Variants in CUX1 observed in about 807,000 individuals in gnomAD.
CUX1 encodes the protein protein CASP.
In CUX1, 31 loss-of-function variants were observed where a neutral mutation model predicts 158.8. The observed-to-expected ratio is 0.20, with a 90% confidence interval of 0.15 to 0.26. The LOEUF is 0.26. Ranked by LOEUF, CUX1 falls within the 10% of genes least tolerant of loss-of-function variation. CUX1 has a pLI of 1.00. For missense variants in CUX1, 1,589 were observed against 2,014.6 expected (o/e 0.79, Z 4.04); for synonymous variants, 879 against 862.1 (o/e 1.02, Z -0.34).
chr7:102,273,247 C>A, intron 14 of CUX1: 1 of 1,377,448 alleles, frequency 7.3e-7, no homozygotes, highest in Non-Finnish European at 9.9e-7. Flanking sequence ...ATAGCCAGCA[C>A]TCTCACAGCA....
intron 16 of CUX1, chr7:102,274,339 G>T: frequency 6.3e-7 from 1 of 1,587,754 alleles, no homozygotes; most frequent in South Asian, 1.1e-5. Flanking sequence ...CATGGGAGGA[G>T]GGAGGAGGAG....
intron 2 of CUX1, among the ~76,000 whole-genome samples, chr7:101,952,411 C>T (rs931932176): frequency 2.0e-5 from 3 of 152,126 alleles, no homozygotes; most frequent in Non-Finnish European, 4.4e-5. Context: ...TACAGATTCT[C>T]GGGTCTACTC....
chr7:101,903,158 C>T (rs1368290959), intron 1 of CUX1, among the ~76,000 whole-genome samples: 2 of 152,126 alleles, frequency 1.3e-5, no homozygotes, highest in African/African-American at 2.4e-5. Context: ...AGAGGAGGGG[C>T]AGGGTCAGCA....
chr7:102,144,290 C>T (rs1182067674), intron 8 of CUX1, among the ~76,000 whole-genome samples: 1 of 152,072 alleles, frequency 6.6e-6, no homozygotes, highest in Non-Finnish European at 1.5e-5. Context: ...ATGCTCTTCA[C>T]TTTTTTTGTT....
rs869202667 is a variant in CUX1, at chr7:102,073,165, C to CTTTT, written c.268+2769_268+2772dup. Among the ~76,000 whole-genome samples the CTTTT allele has an allele frequency of 8.3e-3, 551 of 66,774 alleles. 66 individuals are homozygous for CTTTT. The highest frequency in any genetic ancestry group is 0.02 in the African/African-American group (310 of 15,532). 43.8% of individuals were successfully genotyped at this position (66,774 alleles called of 152,430 possible). ...AAATAATATGTAATCTCTTTTCTTT[C>CTTTT]TTTTTTTTTTTTTTTTTTTTTTTTC... On this transcript the variant is annotated intron_variant, in intron 4 of 23. Coordinates refer to ENST00000292535, the MANE Select transcript of CUX1 (RefSeq NM_181552.4).
rs1794280618 is a variant in CUX1, at chr7:102,191,567, A to G, written c.1076+1696A>G. Among the ~76,000 whole-genome samples, 3 of 151,920 alleles carry G rather than the reference A, an allele frequency of 2.0e-5. No homozygotes were observed. In the South Asian group the frequency reaches 6.3e-4, roughly 32 times the overall value. ...CTTCTCTACCTGCCTCTCCTATCCC[A>G]TTCTTTCCTTCCTTTCCCTCTTCTT... is the stretch of plus-strand genomic sequence containing the variant. On this transcript the variant is annotated intron_variant, in intron 12 of 23. Transcript: ENST00000292535.
intron 1 of CUX1, among the ~76,000 whole-genome samples, chr7:101,855,238 C>T (rs189783317): frequency 1.3e-5 from 2 of 152,382 alleles, no homozygotes; most frequent in Non-Finnish European, 2.9e-5. Context: ...CCCTGGCCGC[C>T]TTTCCAACCT....
chr7:102,128,266 G>A (rs201522), intron 8 of CUX1, among the ~76,000 whole-genome samples: 92,025 of 152,066 alleles, frequency 0.61, 28,874 homozygotes, highest in African/African-American at 0.71. Flanking sequence ...GCTCCATGAC[G>A]TTTGTAGATG....
At chr7:102,195,411 C>G in intron 13 of CUX1, 96 bp from the exon 14 acceptor site, 2 of 955,822 alleles carry the variant, frequency 2.1e-6, no homozygotes, top group Non-Finnish European at 3.1e-6. Context: ...GGTGGGAACG[C>G]GGACAGATGG....
At chr7:102,008,912 T>C (rs1180310968) in intron 2 of CUX1, among the ~76,000 whole-genome samples, 1 of 152,174 alleles carries the variant, frequency 6.6e-6, no homozygotes, top group Non-Finnish European at 1.5e-5. Flanking sequence ...CCTCTCAGGT[T>C]CTTGATCACT....
chr7:101,898,888 G>A (rs544226669), intron 1 of CUX1, among the ~76,000 whole-genome samples: 41 of 152,266 alleles, frequency 2.7e-4, no homozygotes, highest in Admixed American at 4.6e-4. Flanking sequence ...CACCGCACCC[G>A]GCTAATTTCC....
At chr7:102,259,016 G>A (rs1399053215), downstream of CUX1, among the ~76,000 whole-genome samples, 3 of 152,166 alleles carry the variant, frequency 2.0e-5, no homozygotes, top group Non-Finnish European at 4.4e-5. Flanking sequence ...CCAGGCCGAC[G>A]TGTGTCTGGT....
At chr7:102,210,165 C>T (rs537248661) in intron 20 of CUX1, among the ~76,000 whole-genome samples, 90 of 152,238 alleles carry the variant, frequency 5.9e-4, no homozygotes, top group Middle Eastern at 3.4e-3. Context: ...GGCGCGATCT[C>T]GACTCACTGC....
intron 1 of CUX1, among the ~76,000 whole-genome samples, chr7:101,899,435 C>T (rs1467491493): frequency 1.3e-5 from 2 of 152,068 alleles, no homozygotes; most frequent in African/African-American, 4.8e-5. Flanking sequence ...TCTTGTGATC[C>T]CAGCTACTCG....
intron 1 of CUX1, among the ~76,000 whole-genome samples, chr7:101,896,079 C>T (rs1801486916): frequency 6.6e-6 from 1 of 151,498 alleles, no homozygotes; most frequent in Admixed American, 6.6e-5. Context: ...ATTATTTTTT[C>T]GAAGAGACAG....
intron 12 of CUX1, among the ~76,000 whole-genome samples, chr7:102,192,049 C>T (rs984056770): frequency 1.3e-5 from 2 of 152,218 alleles, no homozygotes; most frequent in Admixed American, 1.3e-4. Context: ...AAGCCCCACT[C>T]AGGTGGCTTC....
intron 22 of CUX1, among the ~76,000 whole-genome samples, chr7:102,234,906 G>A (rs565081467): frequency 6.6e-6 from 1 of 151,938 alleles, no homozygotes; most frequent in East Asian, 1.9e-4. Flanking sequence ...CTGGGTGACA[G>A]ACCATGACCC....
At chr7:102,159,396 G>A (rs1213005313) in intron 9 of CUX1, among the ~76,000 whole-genome samples, 3 of 152,188 alleles carry the variant, frequency 2.0e-5, no homozygotes, top group Non-Finnish European at 4.4e-5. Flanking sequence ...CACAGTGTCC[G>A]GCCCAGATCA....
chr7:102,020,660 C>T (rs1157985777), intron 2 of CUX1, among the ~76,000 whole-genome samples: 1 of 152,030 alleles, frequency 6.6e-6, no homozygotes, highest in Non-Finnish European at 1.5e-5. Context: ...CAGGTGGATC[C>T]CTTGAGGTCA....
Sources: allele counts gnomAD v4.1 joint callset (sites outside exome capture counted in the v4.1 genomes callset), GRCh38; gene constraint gnomAD v4.1.1; transcripts MANE v1.5; gene names NCBI Gene and HGNC (gene_info 2026-07-23, HGNC 2026-07-21).